Variants in RNF214 observed in about 807,000 individuals in gnomAD.
RNF214 encodes the protein ring finger protein 214.
In RNF214, 25 loss-of-function variants were observed where a neutral mutation model predicts 75.9. The observed-to-expected ratio is 0.33, with a 90% CI of 0.24 to 0.46. RNF214 has a LOEUF of 0.46. Among genes scored for constraint, RNF214 ranks in the 20% least tolerant of loss-of-function variants. The pLI, the probability that RNF214 is intolerant of heterozygous loss-of-function variation, is 1.00. For missense variants in RNF214, 725 were observed against 857.5 expected (o/e 0.85, Z 1.93); for synonymous variants, 314 against 308.8 (o/e 1.02, Z -0.18).
chr11:117,263,845 C>T (rs562718998), intron 6 of RNF214: 14 of 264,664 alleles, frequency 5.3e-5, no homozygotes, highest in South Asian at 4.7e-4. Flanking sequence ...TTTTTGGTCC[C>T]CCTGTGCTCA....
intron 6 of RNF214, among the ~76,000 whole-genome samples, chr11:117,257,423 CA>C (rs1297491396): frequency 6.6e-6 from 1 of 152,038 alleles, no homozygotes; most frequent in Non-Finnish European, 1.5e-5. Flanking sequence ...TTTTGAGAAA[CA>C]AAACAGAAAA....
At position 117,252,724 on chromosome 11, in the gene RNF214, G is replaced by A. The variant is rs536572892; in HGVS notation, c.959+5776G>A. Among the ~76,000 whole-genome samples the A allele has an allele frequency of 1.4e-4, 22 of 151,872 alleles. No homozygotes were observed. The East Asian group carries it at 3.9e-3, about 27-fold the overall frequency. ...TTTAGTAGAGACGGGGTTTCACTGTGTTAGCCAGGATGGTCTCGCTCTCCT... is the reference window on the plus strand; with the variant it reads ...TTTAGTAGAGACGGGGTTTCACTGTATTAGCCAGGATGGTCTCGCTCTCCT... On this transcript the variant is annotated intron_variant, in intron 6 of 14. Coordinates refer to ENST00000300650, the MANE Select transcript of RNF214 (RefSeq NM_207343.4).
chr11:117,275,884 C>T (rs776407601), intron 6 of RNF214, among the ~76,000 whole-genome samples: 7 of 152,138 alleles, frequency 4.6e-5, no homozygotes, highest in Non-Finnish European at 8.8e-5. Flanking sequence ...CTAACTCATT[C>T]TACAAAGCCA....
intron 14 of RNF214, 33 bp downstream of exon 14, chr11:117,283,243 C>G: frequency 7.3e-7 from 1 of 1,371,954 alleles, no homozygotes; most frequent in Middle Eastern, 1.8e-4. Flanking sequence ...ATTTTCTACA[C>G]TTTTTCTTCT....
rs970002971 is a variant in RNF214 at position 117,282,091 on chromosome 11, C to T, written c.1533C>T (p.Ser511=). ...SPLPGSHGRN[S]PGLGSLVSPH... Reference sequence around the variant, plus strand: ...TTCCTGGCTCCCATGGCAGAAATAGCCCTGGCTTGGGTTCCCTTGTCAGCC... The same window carrying T: ...TTCCTGGCTCCCATGGCAGAAATAGTCCTGGCTTGGGTTCCCTTGTCAGCC... The change falls in exon 11 of 15, where the codon AGC becomes AGT. Residue 511 remains serine (S), a synonymous_variant. Coordinates refer to ENST00000300650, the MANE Select transcript of RNF214 (RefSeq NM_207343.4). The T allele has an allele frequency of 1.9e-6, 3 of 1,614,082 alleles. No individual in the cohort carries two copies. In the Admixed American group the frequency reaches 5.0e-5, roughly 27 times the overall value.
chr11:117,262,735 T>TG lies in RNF214; in HGVS notation c.959+15787_959+15788insG, dbSNP rs1565340539. The stretch of plus-strand genomic sequence containing the variant: ...TGTGTGTGTGTGTGTGTGTGTGTGT[T>TG]TAATTTTTAAAATTTAGTTATATCA... On this transcript the variant is annotated intron_variant, in intron 6 of 14. Coordinates refer to ENST00000300650, the MANE Select transcript of RNF214 (RefSeq NM_207343.4). 7.3e-5 allele frequency among the ~76,000 whole-genome samples: 5 copies of TG among 68,420 alleles called. No homozygotes were observed. The East Asian group carries it at 2.5e-3, about 35-fold the overall frequency. The allele number at this position is 68,420 out of a possible 152,430, so 44.9% of individuals were successfully genotyped here. A position where few individuals can be genotyped will look rare whatever the true frequency, so the allele number is the denominator to read the frequency against.
rs1211221981 is a variant in RNF214, at chr11:117,238,890, C to T, written c.397C>T (p.Arg133Trp). Residue 133 changes from arginine to tryptophan, a missense_variant, in exon 3 of 15, where the codon CGG becomes TGG. Transcript: ENST00000300650. Reference protein sequence around the residue: ...SLRESLHPVTRSLKAGCHTKQ... With the variant: ...SLRESLHPVTWSLKAGCHTKQ... ...TCGGGAGAGCCTCCATCCAGTCACT[C>T]GGTCTCTTAAGGCAGGGTGCCATAC... The T allele has an allele frequency of 1.1e-5, 18 of 1,614,026 alleles. No homozygotes were observed. Among genetic ancestry groups the T allele is most frequent in the African/African-American group, 6.7e-5 (5 of 74,894 alleles).
chr11:117,257,164 C>T (rs1264616276), intron 6 of RNF214, among the ~76,000 whole-genome samples: 2 of 152,080 alleles, frequency 1.3e-5, no homozygotes, highest in South Asian at 2.1e-4. Flanking sequence ...TGGCGAAATC[C>T]CATCTCTACA....
rs148347162 is a variant in RNF214, at chr11:117,271,636, G to A, written c.960-8272G>A. 5.3e-3 allele frequency among the ~76,000 whole-genome samples: 802 copies of A among 152,276 alleles called. 6 individuals are homozygous for A. Among genetic ancestry groups the A allele is most frequent in the Middle Eastern group, 0.01 (3 of 294 alleles). ...CAGGTTAAATTTGAAGTATTTGCAG[G>A]ATATCCATGCTAGTATGTGTAGTAA... On this transcript the variant is annotated intron_variant, in intron 6 of 14. Coordinates refer to ENST00000300650, the MANE Select transcript of RNF214 (RefSeq NM_207343.4).
At chr11:117,264,298 G>A (rs138877884) in intron 6 of RNF214, among the ~76,000 whole-genome samples, 4,368 of 152,182 alleles carry the variant, frequency 0.029, 97 homozygotes, top group Non-Finnish European at 0.044. Flanking sequence ...ACTCCAGCCT[G>A]GGTGACAGAG....
chr11:117,285,109 C>G lies in RNF214; in HGVS notation c.2070C>G (p.Thr690=). 6.2e-7 allele frequency: 1 copy of G among 1,612,668 alleles called. No individual in the cohort carries two copies. Among genetic ancestry groups the G allele is most frequent in the South Asian group, 1.1e-5 (1 of 91,020 alleles). Residue 690 remains threonine, a synonymous_variant, in exon 15 of 15, where the codon ACC becomes ACG. Transcript: ENST00000300650. ...AGTGTATCAAATTCTGGGCCCAGAC[C>G]AACACAAATGACACTTGTCCCTTTT... is the stretch of plus-strand genomic sequence containing the variant. ...HKECIKFWAQ[T]NTNDTCPFCP...
chr11:117,261,834 C>T (rs1422437964), intron 6 of RNF214, among the ~76,000 whole-genome samples: 2 of 151,580 alleles, frequency 1.3e-5, no homozygotes, highest in Admixed American at 6.6e-5. Flanking sequence ...TTAGTAGAGA[C>T]GAGGTTTCAC....
chr11:117,263,356 A>G (rs1418753571), intron 6 of RNF214, among the ~76,000 whole-genome samples: 1 of 150,634 alleles, frequency 6.6e-6, no homozygotes, highest in African/African-American at 2.5e-5. Flanking sequence ...GCTCACTGCA[A>G]CCTCCGCCTA....
Position 117,281,597 on chromosome 11 carries a change from T to C in RNF214, c.1237-3T>C, listed in dbSNP as rs749704484. The C allele has an allele frequency of 2.5e-6, 4 of 1,600,716 alleles. No individual in the cohort carries two copies. The highest frequency in any genetic ancestry group is 3.4e-6 in the Non-Finnish European group (4 of 1,168,416). On this transcript the variant is annotated splice_polypyrimidine_tract_variant and splice_region_variant and intron_variant, in intron 9 of 14. Coordinates refer to ENST00000300650, the MANE Select transcript of RNF214 (RefSeq NM_207343.4). ...CAGTAAAAATAATCCTTTTTTTTTTTAGGACCAATTTAATAGTCATATCCA... is the reference window on the plus strand; with the variant it reads ...CAGTAAAAATAATCCTTTTTTTTTTCAGGACCAATTTAATAGTCATATCCA...
intron 2 of RNF214, among the ~76,000 whole-genome samples, chr11:117,236,366 C>T (rs1011488933): frequency 8.5e-5 from 13 of 152,146 alleles, no homozygotes; most frequent in African/African-American, 3.1e-4. Flanking sequence ...CTCTGCCTCC[C>T]GAGTTCAAGC....
At chr11:117,276,201 A>C (rs927733715) in intron 6 of RNF214, among the ~76,000 whole-genome samples, 1 of 152,156 alleles carries the variant, frequency 6.6e-6, no homozygotes, top group African/African-American at 2.4e-5. Context: ...GGTAAAAAAA[A>C]CCCTCAACAA....
chr11:117,275,661 AACAC>A (rs1033600072), intron 6 of RNF214, among the ~76,000 whole-genome samples: 2 of 152,214 alleles, frequency 1.3e-5, no homozygotes, highest in African/African-American at 2.4e-5. Context: ...AATTCCTGGA[AACAC>A]ACAACCCCCC....
chr11:117,256,301 C>G (rs897897241), intron 6 of RNF214, among the ~76,000 whole-genome samples: 2 of 152,214 alleles, frequency 1.3e-5, no homozygotes, highest in African/African-American at 4.8e-5. Flanking sequence ...GATTAGCTGT[C>G]ACTGTGTAAA....
intron 1 of RNF214, among the ~76,000 whole-genome samples, chr11:117,233,566 T>C (rs1470291407): frequency 1.3e-5 from 2 of 152,246 alleles, no homozygotes; most frequent in African/African-American, 4.8e-5. Context: ...GATGACCTTT[T>C]GATTTTTAAA....
Sources: gnomAD v4.1 joint callset for allele counts (sites outside exome capture counted in the v4.1 genomes callset) on GRCh38, gnomAD v4.1.1 for gene constraint, MANE v1.5 for transcripts, NCBI Gene and HGNC (gene_info 2026-07-23, HGNC 2026-07-21) for gene names.